The following WNT5A variants were observed in gnomAD, a reference collection of about 807,000 sequenced individuals.
The protein encoded by WNT5A is protein Wnt-5a.
In WNT5A, 9 loss-of-function variants were observed where a neutral mutation model predicts 42.1. That is an observed-to-expected ratio of 0.21 (90% CI 0.13 to 0.37). The LOEUF (loss-of-function observed/expected upper bound fraction) is 0.37. Ranked by LOEUF, WNT5A falls within the 10% of genes least tolerant of loss-of-function variation. The probability of loss-of-function intolerance (pLI) is 1.00; values close to 1 mark genes in which losing one functional copy is unlikely to be tolerated. For missense variants in WNT5A, 426 were observed against 534.0 expected (o/e 0.80, Z 1.99); for synonymous variants, 210 against 210.0 (o/e 1.00, Z 0.00).
At chr3:55,481,820 G>A (rs1037915311) in intron 1 of WNT5A, among the ~76,000 whole-genome samples, 3 of 152,278 alleles carry the variant, frequency 2.0e-5, no homozygotes, top group East Asian at 3.9e-4. Flanking sequence ...AAGGGAGTCT[G>A]GGTCTCGCTT....
chr3:55,481,306 G>A (rs2051457243), intron 1 of WNT5A: 4 of 990,424 alleles, frequency 4.0e-6, no homozygotes, highest in African/African-American at 1.7e-5. Context: ...AACCCGCTGC[G>A]GCCACCCTCC....
At chr3:55,480,688 C>A in intron 2 of WNT5A, 97 bp downstream of exon 2, 2 of 1,281,644 alleles carry the variant, frequency 1.6e-6, no homozygotes, top group Non-Finnish European at 2.1e-6. Context: ...TAAATACACC[C>A]ACACTCACTA....
chr3:55,474,259 A>G, intron 4 of WNT5A, 78 bp downstream of exon 4: 2 of 1,581,124 alleles, frequency 1.3e-6, no homozygotes, highest in Non-Finnish European at 1.7e-6. Flanking sequence ...GGACGGAGCT[A>G]CAGGGAGAGA....
chr3:55,485,008 A>C (rs114477518), intron 1 of WNT5A, among the ~76,000 whole-genome samples: 1 of 152,280 alleles, frequency 6.6e-6, no homozygotes, highest in Non-Finnish European at 1.5e-5. Flanking sequence ...AGCCCAGAAG[A>C]AGAGGTACCA....
intron 1 of WNT5A, 121 bp downstream of exon 1, chr3:55,486,859 C>T (rs2051587339): frequency 1.3e-6 from 1 of 790,526 alleles, no homozygotes; most frequent in South Asian, 1.4e-5. Flanking sequence ...CGCTGGAGTT[C>T]CAGCTTCTTC....
At chr3:55,471,638 C>T (rs926275694) in intron 4 of WNT5A, among the ~76,000 whole-genome samples, 7 of 152,274 alleles carry the variant, frequency 4.6e-5, no homozygotes, top group Non-Finnish European at 7.3e-5. Flanking sequence ...GACGAGGACA[C>T]GGCATCTGGG....
upstream of WNT5A, among the ~76,000 whole-genome samples, chr3:55,495,522 CT>C (rs770988022): frequency 6.6e-6 from 1 of 152,132 alleles, no homozygotes; most frequent in Non-Finnish European, 1.5e-5. Flanking sequence ...AGATTTTCTT[CT>C]TTTTTAAGAC....
At chr3:55,494,127 A>C (rs1432593287), upstream of WNT5A, 1 of 152,202 alleles carries the variant, frequency 6.6e-6, no homozygotes, top group Non-Finnish European at 1.5e-5. Flanking sequence ...GAAGAAGCAG[A>C]CTTTTTTATC....
At chr3:55,501,090 G>A in the WNT5A span, among the ~76,000 whole-genome samples, 1 of 152,186 alleles carries the variant, frequency 6.6e-6, no homozygotes, top group Admixed American at 6.5e-5. Flanking sequence ...GAGAGATTAA[G>A]CAATTAGTTT....
chr3:55,475,939 T>C (rs1365850701), intron 3 of WNT5A, among the ~76,000 whole-genome samples: 1 of 151,918 alleles, frequency 6.6e-6, no homozygotes, highest in Non-Finnish European at 1.5e-5. Context: ...AGGGGTGGGA[T>C]TGGGGGGCAG....
intron 1 of WNT5A, among the ~76,000 whole-genome samples, chr3:55,486,366 GCCCCC>G (rs1169015336): frequency 2.0e-5 from 3 of 152,152 alleles, no homozygotes; most frequent in African/African-American, 7.2e-5. Flanking sequence ...GTGCGCGCTG[GCCCCC>G]CGCCAGGCAC....
At chr3:55,489,472 C>T (rs941986212), upstream of WNT5A, among the ~76,000 whole-genome samples, 5 of 151,892 alleles carry the variant, frequency 3.3e-5, no homozygotes, top group African/African-American at 9.7e-5. Flanking sequence ...CAGGCCCAGG[C>T]TCCAGCGATG....
In WNT5A at chr3:55,479,533, A is replaced by T; in HGVS notation, c.172T>A (p.Ser58Thr). ...SLGMNNPVQM[S>T]EVYIIGAQPL... ...TGTGCTCCTATAATATATACTTCTG[A>T]CATCTGAACAGGGTTATTCATACCT... Residue 58 changes from serine (S) to threonine (T), a missense_variant, in exon 3 of 5, where the codon TCA (serine) becomes ACA (threonine). By Grantham distance (58) the Ser-to-Thr change is moderately conservative. Transcript: ENST00000264634. 1 of 1,612,538 alleles carries T rather than the reference A, an allele frequency of 6.2e-7. No individual in the cohort carries two copies. Among genetic ancestry groups the T allele is most frequent in the Non-Finnish European group, 8.5e-7 (1 of 1,179,062 alleles).
chr3:55,484,832 A>G (rs1016443348), intron 1 of WNT5A, among the ~76,000 whole-genome samples: 1 of 152,160 alleles, frequency 6.6e-6, no homozygotes, highest in Non-Finnish European at 1.5e-5. Context: ...AGAAAATGAA[A>G]TGATAGTCCA....
In WNT5A at chr3:55,469,500, G is replaced by C. The variant is rs1460671760; in HGVS notation, c.*592C>G. The C allele has an allele frequency of 6.6e-6, 1 of 152,424 alleles. No individual in the cohort carries two copies. Among genetic ancestry groups the C allele is most frequent in the Non-Finnish European group, 1.5e-5 (1 of 68,270 alleles). The allele number at this position is 152,424 out of a possible 1,614,324, so 9.4% of individuals were successfully genotyped here. A position where few individuals can be genotyped will look rare whatever the true frequency, so the allele number is the denominator to read the frequency against. On this transcript the variant is annotated 3_prime_UTR_variant, in exon 5 of 5. Coordinates refer to ENST00000264634, the MANE Select transcript of WNT5A (RefSeq NM_003392.7). ...GACATGTGATATACCTTTTTTCCTT[G>C]AGAATATGACATTCTTGTCCTTCCA...
rs1251500640 is a variant in WNT5A, at chr3:55,466,518, A to G, written c.*3574T>C. ...TAGGGTAGGCAACTAAAACTTACAC[A>G]GTGCCAGTCTCAGGAGGTCAGTAGC... On this transcript the variant is annotated 3_prime_UTR_variant, in exon 5 of 5. Transcript: ENST00000264634. The G allele has an allele frequency of 6.6e-6, 1 of 152,304 alleles. No homozygotes were observed. Among genetic ancestry groups the G allele is most frequent in the Non-Finnish European group, 1.5e-5 (1 of 68,030 alleles). The allele number at this position is 152,304 out of a possible 1,614,324, so 9.4% of individuals were successfully genotyped here. A position where few individuals can be genotyped will look rare whatever the true frequency, so the allele number is the denominator to read the frequency against.
chr3:55,484,208 T>C (rs2051527590), intron 1 of WNT5A, among the ~76,000 whole-genome samples: 1 of 152,060 alleles, frequency 6.6e-6, no homozygotes, highest in Non-Finnish European at 1.5e-5. Flanking sequence ...AAGAAAGCTG[T>C]TTTCCCCACT....
chr3:55,479,275 A>T, intron 3 of WNT5A, 39 bp downstream of exon 3: 1 of 1,449,550 alleles, frequency 6.9e-7, no homozygotes, highest in Non-Finnish European at 9.1e-7. Flanking sequence ...TAGGAAAAAA[A>T]GTTAATGTTT....
chr3:55,486,030 T>C lies in WNT5A; in HGVS notation c.6+950A>G, dbSNP rs1232613107. 5.3e-5 allele frequency among the ~76,000 whole-genome samples: 8 copies of C among 152,338 alleles called. No individual in the cohort carries two copies. The South Asian group carries it at 6.2e-4, about 12-fold the overall frequency. ...AAATTGTTTAGAAAATAAAAACTTA[T>C]GTTGCAGGAAGAAACGTTAACTTTT... On this transcript the variant is annotated intron_variant, in intron 1 of 4. Coordinates refer to ENST00000264634, the MANE Select transcript of WNT5A (RefSeq NM_003392.7).
Sources: gnomAD v4.1 joint callset for allele counts (sites outside exome capture counted in the v4.1 genomes callset) on GRCh38, gnomAD v4.1.1 for gene constraint, MANE v1.5 for transcripts, NCBI Gene and HGNC (gene_info 2026-07-23, HGNC 2026-07-21) for gene names.